Variants in SYNE3 observed in about 807,000 individuals in gnomAD.
SYNE3 encodes nesprin-3.
A neutral mutation model predicts 111.2 loss-of-function variants in SYNE3; 100 were observed. The observed-to-expected ratio is 0.90, with a 90% CI of 0.77 to 1.06. The LOEUF is 1.06. Ranked by LOEUF, SYNE3 falls within the 50% of genes least tolerant of loss-of-function variation. The pLI is 0.00. For synonymous variants in SYNE3, 547 were observed against 533.9 expected, an observed-to-expected ratio of 1.02 and a Z score of -0.34; for missense variants, 1,160 against 1,240.3, an observed-to-expected ratio of 0.94 and a Z score of 0.97.
chr14:95,460,369 T>A, intron 4 of SYNE3, among the ~76,000 whole-genome samples: 1 of 22,262 alleles, frequency 4.5e-5, no homozygotes, highest in East Asian at 1.3e-3. Context: ...GATGCCTAGT[T>A]TTTTTTTTTT....
At chr14:95,425,953 G>C (rs892730300) in intron 17 of SYNE3, among the ~76,000 whole-genome samples, 1 of 152,120 alleles carries the variant, frequency 6.6e-6, no homozygotes, top group African/African-American at 2.4e-5. Flanking sequence ...CGTGGTCATC[G>C]ACCCCAGTGC....
At chr14:95,515,743 T>C (rs566203188) in intron 1 of SYNE3, among the ~76,000 whole-genome samples, 53 of 152,300 alleles carry the variant, frequency 3.5e-4, no homozygotes, top group Non-Finnish European at 5.7e-4. Flanking sequence ...ACCAGGAACC[T>C]GGGAGAGTCC....
At chr14:95,501,016 G>A (rs143656270) in intron 1 of SYNE3, among the ~76,000 whole-genome samples, 7 of 152,314 alleles carry the variant, frequency 4.6e-5, no homozygotes, top group Middle Eastern at 3.4e-3. Flanking sequence ...TGGTCCACAC[G>A]CTTTGCATGA....
At chr14:95,513,047 T>G (rs77004581) in intron 1 of SYNE3, among the ~76,000 whole-genome samples, 4,384 of 152,250 alleles carry the variant, frequency 0.029, 212 homozygotes, top group African/African-American at 0.098. Flanking sequence ...TTTTCTTTTT[T>G]AAACCAGCTT....
At chr14:95,467,369 T>C (rs1888253014) in intron 3 of SYNE3, among the ~76,000 whole-genome samples, 3 of 152,190 alleles carry the variant, frequency 2.0e-5, no homozygotes, top group South Asian at 2.1e-4. Flanking sequence ...CCAAACCACA[T>C]AGGAAGTAAC....
intron 1 of SYNE3, among the ~76,000 whole-genome samples, chr14:95,490,197 A>G (rs1387362502): frequency 6.6e-6 from 1 of 152,250 alleles, no homozygotes; most frequent in East Asian, 1.9e-4. Context: ...CCCTATCCCA[A>G]TGTAAAGGAC....
intron 1 of SYNE3, among the ~76,000 whole-genome samples, chr14:95,490,031 G>A (rs1202398545): frequency 6.6e-6 from 1 of 152,214 alleles, no homozygotes; most frequent in Non-Finnish European, 1.5e-5. Flanking sequence ...TGGTCAGAGT[G>A]GAGCAATAGT....
intron 10 of SYNE3, chr14:95,443,657 T>C (rs182300190): frequency 0.01 from 1,807 of 172,934 alleles, 26 homozygotes; most frequent in African/African-American, 0.04. Context: ...ATTTTTTTTC[T>C]TTTTTTGGAG....
intron 17 of SYNE3, among the ~76,000 whole-genome samples, chr14:95,429,710 C>A (rs1000167107): frequency 1.3e-5 from 2 of 152,146 alleles, no homozygotes; most frequent in African/African-American, 2.4e-5. Context: ...TCATTTAGGG[C>A]TTTCCGTCTT....
chr14:95,506,616 A>G (rs1321590351), intron 1 of SYNE3, among the ~76,000 whole-genome samples: 1 of 152,190 alleles, frequency 6.6e-6, no homozygotes, highest in Non-Finnish European at 1.5e-5. Context: ...CTTCCAAGTG[A>G]CCTGCATAAA....
Position 95,456,690 on chromosome 14 carries a change from AC to A in SYNE3, c.789+486del, listed in dbSNP as rs372951563. ...AGGGATTTCCATAAAGCCTCTGAGG[AC>A]CCAAGCGTTTAGACTAGATTCCACA... On this transcript the variant is annotated intron_variant, in intron 5 of 17. Transcript: ENST00000682763. Among the ~76,000 whole-genome samples the A allele has an allele frequency of 2.4e-3, 363 of 151,956 alleles. 3 individuals carry two copies. Among genetic ancestry groups the A allele is most frequent in the Admixed American group, 5.0e-3 (76 of 15,264 alleles).
Position 95,417,820 on chromosome 14 carries a change from A to G in SYNE3, c.*6T>C, listed in dbSNP as rs375078772. The G allele has an allele frequency of 8.7e-6, 14 of 1,614,034 alleles. No homozygotes were observed. In the African/African-American group the frequency reaches 1.9e-4, roughly 22 times the overall value. On this transcript the variant is annotated 3_prime_UTR_variant, in exon 18 of 18. Transcript: ENST00000682763. ...GAGGAGAAAGTCACCTGTGTGCCCC[A>G]GTGGGTTAGGTGGGTGGTGGGCCAT...
intron 1 of SYNE3, among the ~76,000 whole-genome samples, chr14:95,508,577 TC>T (rs1890610464): frequency 6.6e-6 from 1 of 152,048 alleles, no homozygotes; most frequent in South Asian, 2.1e-4. Flanking sequence ...GGCAGGAGGG[TC>T]CCTCTGAGGC....
At chr14:95,513,769 A>ATATATATATATATG (rs1193746486) in intron 1 of SYNE3, among the ~76,000 whole-genome samples, 1 of 133,438 alleles carries the variant, frequency 7.5e-6, no homozygotes, top group Non-Finnish European at 1.6e-5. Context: ...ATATATATAT[A>ATATATATATATATG]TATTCAGAAT....
intron 4 of SYNE3, among the ~76,000 whole-genome samples, chr14:95,462,849 G>A (rs1035867461): frequency 3.3e-4 from 50 of 152,206 alleles, no homozygotes; most frequent in Non-Finnish European, 3.8e-4. Context: ...CGCACAGAAT[G>A]TTTTTTAATC....
chr14:95,486,492 C>A (rs1438640768), intron 1 of SYNE3, among the ~76,000 whole-genome samples: 3 of 152,170 alleles, frequency 2.0e-5, no homozygotes, highest in Admixed American at 1.3e-4. Flanking sequence ...CTGAACCCCC[C>A]AGACCTGCCT....
intron 1 of SYNE3, among the ~76,000 whole-genome samples, chr14:95,509,285 C>T (rs935818442): frequency 6.6e-6 from 1 of 152,126 alleles, no homozygotes; most frequent in Non-Finnish European, 1.5e-5. Context: ...GCACAGGTGT[C>T]CAGGTGAGAA....
In SYNE3 at chr14:95,492,775, G is replaced by C. The variant is rs1023065890; in HGVS notation, c.-14-16940C>G. On this transcript the variant is annotated intron_variant, in intron 1 of 17. Transcript: ENST00000682763. ...TCATGCCTGTAATCCCTACACTTTGGGAGGCCGAGGTGGGAGGACTGCTTG... is the reference window on the plus strand; with the variant it reads ...TCATGCCTGTAATCCCTACACTTTGCGAGGCCGAGGTGGGAGGACTGCTTG... Among the ~76,000 whole-genome samples, 4 of 152,314 alleles carry C rather than the reference G, an allele frequency of 2.6e-5. 1 individual carries two copies. The highest frequency in any genetic ancestry group is 1.9e-4 in the East Asian group (1 of 5,192).
Position 95,466,215 on chromosome 14 carries a change from A to G in SYNE3, c.343T>C (p.Trp115Arg). 1 of 1,583,772 alleles carries G rather than the reference A, an allele frequency of 6.3e-7. No homozygotes were observed. The highest frequency in any genetic ancestry group is 8.6e-7 in the Non-Finnish European group (1 of 1,157,046). Residue 115 changes from tryptophan to arginine, a missense_variant, in exon 4 of 18, where the codon TGG becomes CGG. By Grantham distance (101) the Trp-to-Arg change is moderately radical (BLOSUM62 -3). Transcript: ENST00000682763. ...TCTCGGGCCAGCAGGTACTCGCTCC[A>G]GTGCAGCCACACCCACTCGATGCGG... ...HSRIEWVWLHWSEYLLARDEF... is the reference protein window; with the variant it reads ...HSRIEWVWLHRSEYLLARDEF...
Sources: gnomAD v4.1 joint callset for allele counts (sites outside exome capture counted in the v4.1 genomes callset) on GRCh38, gnomAD v4.1.1 for gene constraint, MANE v1.5 for transcripts, NCBI Gene and HGNC (gene_info 2026-07-23, HGNC 2026-07-21) for gene names.